Variants in SPOCK3 observed in about 807,000 individuals in gnomAD.
SPOCK3 encodes SPARC (osteonectin), cwcv and kazal like domains proteoglycan 3, also known as testican-3.
SPOCK3 carries 30 observed loss-of-function variants against 56.6 expected under a neutral mutation model. The observed-to-expected ratio is 0.53, with a 90% CI of 0.40 to 0.72. SPOCK3 has a LOEUF of 0.72. Among genes scored for constraint, SPOCK3 ranks in the 30% least tolerant of loss-of-function variants. The pLI, the probability that SPOCK3 is intolerant of heterozygous loss-of-function variation, is 0.00. For synonymous variants in SPOCK3, 196 were observed against 183.3 expected, an observed-to-expected ratio of 1.07 and a Z score of -0.56; for missense variants, 527 against 530.0, an observed-to-expected ratio of 0.99 and a Z score of 0.06.
At chr4:166,986,558 T>A (rs548582627) in intron 4 of SPOCK3, among the ~76,000 whole-genome samples, 8 of 152,224 alleles carry the variant, frequency 5.3e-5, no homozygotes, top group Non-Finnish European at 1.2e-4. Flanking sequence ...TTTATAATTT[T>A]ACAGCACACG....
chr4:166,874,042 T>C (rs1732794155), intron 6 of SPOCK3, among the ~76,000 whole-genome samples: 1 of 152,150 alleles, frequency 6.6e-6, no homozygotes, highest in African/African-American at 2.4e-5. Flanking sequence ...TAGCAAATGA[T>C]CTTGGGAGAT....
chr4:166,981,323 C>T (rs1746542620), intron 4 of SPOCK3, among the ~76,000 whole-genome samples: 1 of 152,064 alleles, frequency 6.6e-6, no homozygotes, highest in Admixed American at 6.5e-5. Context: ...CAGGTCATCC[C>T]AACAAGTGTC....
intron 7 of SPOCK3, among the ~76,000 whole-genome samples, chr4:166,780,110 AT>A (rs1739999591): frequency 6.6e-6 from 1 of 152,170 alleles, no homozygotes; most frequent in Non-Finnish European, 1.5e-5. Context: ...AGTCTGAGTA[AT>A]TAGCAAACCA....
intron 4 of SPOCK3, among the ~76,000 whole-genome samples, chr4:166,952,982 T>C (rs576083512): frequency 0.011 from 1,676 of 151,166 alleles, 30 homozygotes; most frequent in African/African-American, 0.039. Context: ...ATAAAAACCC[T>C]AGAAGAAAAC....
At chr4:167,071,697 CTT>C (rs1756701525) in intron 2 of SPOCK3, among the ~76,000 whole-genome samples, 1 of 151,970 alleles carries the variant, frequency 6.6e-6, no homozygotes, top group South Asian at 2.1e-4. Context: ...GTGCATGTGT[CTT>C]TATAGTAGCA....
intron 6 of SPOCK3, among the ~76,000 whole-genome samples, chr4:166,811,352 T>G (rs1033369447): frequency 6.6e-6 from 1 of 151,832 alleles, no homozygotes; most frequent in Non-Finnish European, 1.5e-5. Context: ...AGTCTAAAGA[T>G]TTCTTTCTAA....
intron 2 of SPOCK3, among the ~76,000 whole-genome samples, chr4:167,147,386 G>C (rs1215274769): frequency 6.6e-6 from 1 of 152,142 alleles, no homozygotes; most frequent in Non-Finnish European, 1.5e-5. Context: ...GTACTCCATT[G>C]TGCAAGACAG....
chr4:167,017,513 GTCTGTACTCAGCAGGGC>G (rs2150155682), intron 3 of SPOCK3, among the ~76,000 whole-genome samples: 1 of 152,182 alleles, frequency 6.6e-6, no homozygotes, highest in African/African-American at 2.4e-5. Flanking sequence ...ATAATTTGCA[GTCTGTACTCAGCAGGGC>G]TAAGTCTCCC....
chr4:166,780,361 G>T (rs1056085815), intron 7 of SPOCK3, among the ~76,000 whole-genome samples: 1 of 152,008 alleles, frequency 6.6e-6, no homozygotes, highest in African/African-American at 2.4e-5. Flanking sequence ...AAAAAAAGAA[G>T]AATTCATAAA....
intron 7 of SPOCK3, among the ~76,000 whole-genome samples, chr4:166,763,637 G>A (rs1483199085): frequency 6.6e-6 from 1 of 152,068 alleles, no homozygotes; most frequent in African/African-American, 2.4e-5. Flanking sequence ...GAAACTAATA[G>A]CACAAAATGT....
At chr4:167,105,568 A>G (rs902572928) in intron 2 of SPOCK3, among the ~76,000 whole-genome samples, 1 of 111,752 alleles carries the variant, frequency 8.9e-6, no homozygotes, top group Non-Finnish European at 2.1e-5. Flanking sequence ...AGCAACCAGG[A>G]AAAAAAAAAA....
intron 7 of SPOCK3, among the ~76,000 whole-genome samples, chr4:166,766,470 G>T (rs184907241): frequency 3.8e-4 from 58 of 152,226 alleles, no homozygotes; most frequent in African/African-American, 1.1e-3. Context: ...CTTTGGTTCT[G>T]TTTATATGCT....
At chr4:166,863,346 A>C (rs775835117) in intron 6 of SPOCK3, among the ~76,000 whole-genome samples, 21 of 152,134 alleles carry the variant, frequency 1.4e-4, no homozygotes, top group Non-Finnish European at 1.3e-4. Flanking sequence ...CAAAATACAA[A>C]GACCAATGAC....
At chr4:166,779,688 T>C (rs921725744) in intron 7 of SPOCK3, among the ~76,000 whole-genome samples, 1 of 152,130 alleles carries the variant, frequency 6.6e-6, no homozygotes, top group Admixed American at 6.6e-5. Flanking sequence ...AGAAGAGAGA[T>C]AATTGTGTAA....
At chr4:166,893,645 A>G (rs2127024226) in intron 5 of SPOCK3, among the ~76,000 whole-genome samples, 1 of 152,288 alleles carries the variant, frequency 6.6e-6, no homozygotes, top group East Asian at 1.9e-4. Flanking sequence ...TAGAACAAGT[A>G]TGTAATCAGC....
chr4:166,982,094 G>A (rs1013033947), intron 4 of SPOCK3, among the ~76,000 whole-genome samples: 7 of 152,218 alleles, frequency 4.6e-5, no homozygotes, highest in East Asian at 1.9e-4. Context: ...GGAGCACAGC[G>A]CTCCCGCCCT....
At chr4:167,033,830 T>TGGATTTAAATG (rs1752493392) in intron 3 of SPOCK3, among the ~76,000 whole-genome samples, 1 of 152,066 alleles carries the variant, frequency 6.6e-6, no homozygotes, top group African/African-American at 2.4e-5. Context: ...CTTCTCCATT[T>TGGATTTAAATG]GAATTTACTA....
At position 167,057,753 on chromosome 4, in the gene SPOCK3, T is replaced by C. The variant is rs564909238; in HGVS notation, c.235+4739A>G. 9.5e-4 allele frequency among the ~76,000 whole-genome samples: 145 copies of C among 152,294 alleles called. 1 individual carries two copies. The highest frequency in any genetic ancestry group is 3.3e-3 in the African/African-American group (138 of 41,562). ...AAGAGCTAACTATCCTAAATATATA[T>C]GCATCCAATACAGGAGCACCCAGAT... is the stretch of plus-strand genomic sequence containing the variant. On this transcript the variant is annotated intron_variant, in intron 3 of 10. Transcript: ENST00000357545.
chr4:167,053,956 T>C (rs949001522), intron 3 of SPOCK3, among the ~76,000 whole-genome samples: 6 of 152,134 alleles, frequency 3.9e-5, no homozygotes, highest in African/African-American at 1.2e-4. Flanking sequence ...TCTCTGTATA[T>C]TGATCTTCTT....
Sources: gnomAD v4.1 joint callset for allele counts (sites outside exome capture counted in the v4.1 genomes callset) on GRCh38, gnomAD v4.1.1 for gene constraint, MANE v1.5 for transcripts, NCBI Gene and HGNC (gene_info 2026-07-23, HGNC 2026-07-21) for gene names.